Variants in ZC3H3 observed in about 807,000 individuals in gnomAD.
ZC3H3 encodes zinc finger CCCH domain-containing protein 3.
ZC3H3 carries 36 observed loss-of-function variants against 77.3 expected under a neutral mutation model. The ratio of observed to expected loss-of-function variants is 0.47; its 90% CI spans 0.36 to 0.61. ZC3H3 has a LOEUF of 0.61. Ranked by LOEUF, ZC3H3 falls within the 20% of genes least tolerant of loss-of-function variation. ZC3H3 has a pLI of 0.00. For missense variants in ZC3H3, 1,331 were observed against 1,312.2 expected (o/e 1.01, Z -0.22); for synonymous variants, 626 against 555.2 (o/e 1.13, Z -1.79).
rs568204320 is a variant in ZC3H3, at chr8:143,484,643, A to C, written c.1716-9058T>G. ...CGTCCGGCAGAGGTGCCAGGCGGCC[A>C]GGTGCAGCTGTCCTTGGCGGGCCCG... On this transcript the variant is annotated intron_variant, in intron 4 of 11. Coordinates refer to ENST00000262577, the MANE Select transcript of ZC3H3 (RefSeq NM_015117.3). 1.9e-4 allele frequency: 32 copies of C among 167,246 alleles called. No homozygotes were observed. In the East Asian group the frequency reaches 5.3e-3, roughly 28 times the overall value. The allele number at this position is 167,246 out of a possible 1,614,324, so 10.4% of individuals were successfully genotyped here. A position where few individuals can be genotyped will look rare whatever the true frequency, so the allele number is the denominator to read the frequency against.
chr8:143,468,525 G>GCGCT lies in ZC3H3; in HGVS notation c.1958_1961dup (p.Ser655AlafsTer92). ...GCGCCTGCCGGATGATGGCCAGGCTGCGCTGCACTGCCCGGCTGCAGACGG... is the reference window on the plus strand; with the variant it reads ...GCGCCTGCCGGATGATGGCCAGGCTGCGCTCGCTGCACTGCCCGGCTGCAGACGG... On this transcript the variant is annotated frameshift_variant, in exon 7 of 12. Transcript: ENST00000262577. LOFTEE classifies it high-confidence loss of function. 6.2e-7 allele frequency: 1 copy of GCGCT among 1,608,414 alleles called. No homozygotes were observed.
intron 4 of ZC3H3, among the ~76,000 whole-genome samples, chr8:143,482,362 C>T (rs1820930097): frequency 2.0e-5 from 3 of 152,220 alleles, no homozygotes; most frequent in Admixed American, 2.0e-4. Context: ...ACTGCTGCAC[C>T]CCTGGCCCTG....
chr8:143,452,235 C>G (rs1386098922), intron 9 of ZC3H3, among the ~76,000 whole-genome samples: 1 of 152,250 alleles, frequency 6.6e-6, no homozygotes, highest in Non-Finnish European at 1.5e-5. Context: ...TTCACCCCTT[C>G]TCCATCCCCC....
chr8:143,517,164 G>C (rs1822083873), intron 3 of ZC3H3, among the ~76,000 whole-genome samples: 1 of 152,220 alleles, frequency 6.6e-6, no homozygotes, highest in Non-Finnish European at 1.5e-5. Flanking sequence ...TTGTGCGCGA[G>C]CCATCGATCG....
At chr8:143,444,727 C>A (rs1332585727) in intron 9 of ZC3H3, among the ~76,000 whole-genome samples, 2 of 152,154 alleles carry the variant, frequency 1.3e-5, no homozygotes, top group African/African-American at 4.8e-5. Flanking sequence ...GCCTGAAATA[C>A]AGGGTTTCGT....
rs1468153864 is a variant in ZC3H3, at chr8:143,437,713, C to CA, written c.*342dup. 2 of 401,406 alleles carry CA rather than the reference C, an allele frequency of 5.0e-6. No individual in the cohort carries two copies. Among genetic ancestry groups the CA allele is most frequent in the Non-Finnish European group, 9.3e-6 (2 of 214,286 alleles). 24.9% of individuals were successfully genotyped at this position (401,406 alleles called of 1,614,324 possible). On this transcript the variant is annotated 3_prime_UTR_variant, in exon 12 of 12. Coordinates refer to ENST00000262577, the MANE Select transcript of ZC3H3 (RefSeq NM_015117.3). ...AAAACACCTGCCTGGGAGGCCTGGC[C>CA]AGTGGCCTCTTCACTGGGCCGAAAA...
intron 3 of ZC3H3, chr8:143,523,522 C>A (rs1448834247): frequency 1.0e-5 from 10 of 985,316 alleles, no homozygotes; most frequent in Admixed American, 1.2e-4. Flanking sequence ...CACCTCAGGA[C>A]AACTGCCACC....
intron 3 of ZC3H3, among the ~76,000 whole-genome samples, chr8:143,512,636 A>C (rs1821906370): frequency 6.6e-6 from 1 of 152,158 alleles, no homozygotes; most frequent in Non-Finnish European, 1.5e-5. Flanking sequence ...CATCCCCAGA[A>C]ACCTGAGTTC....
In ZC3H3 at chr8:143,537,937, TA is replaced by T. The variant is rs967848456; in HGVS notation, c.1364+65del. 15 of 1,436,032 alleles carry T rather than the reference TA, an allele frequency of 1.0e-5. No homozygotes were observed. In the South Asian group the frequency reaches 1.1e-4, roughly 10 times the overall value. The allele number at this position is 1,436,032 out of a possible 1,614,324, so 89.0% of individuals were successfully genotyped here. A position where few individuals can be genotyped will look rare whatever the true frequency, so the allele number is the denominator to read the frequency against. On this transcript the variant is annotated intron_variant, in intron 2 of 11. Transcript: ENST00000262577. ...AAAGCTCCGAGCTCAGCAGATCCAT[TA>T]GGGGTGCCAAACAAACCCTCCTCAC... is the stretch of plus-strand genomic sequence containing the variant.
chr8:143,525,723 T>C (rs1460138109), intron 3 of ZC3H3, among the ~76,000 whole-genome samples: 4 of 152,234 alleles, frequency 2.6e-5, no homozygotes, highest in African/African-American at 2.4e-5. Flanking sequence ...GAAGCACAGT[T>C]TGACCAGCTG....
chr8:143,484,846 G>C (rs879246253), intron 4 of ZC3H3: 2 of 454,932 alleles, frequency 4.4e-6, no homozygotes, highest in South Asian at 3.1e-5. Context: ...CCAGGCCCTG[G>C]GACAGCCCCT....
At chr8:143,524,306 A>G (rs1271762305) in intron 3 of ZC3H3, among the ~76,000 whole-genome samples, 1 of 152,226 alleles carries the variant, frequency 6.6e-6, no homozygotes, top group Non-Finnish European at 1.5e-5. Context: ...AGTCTATGAC[A>G]CCAGGCCCTA....
At chr8:143,540,823 G>T (rs1390880131) in intron 1 of ZC3H3, among the ~76,000 whole-genome samples, 1 of 152,150 alleles carries the variant, frequency 6.6e-6, no homozygotes, top group Non-Finnish European at 1.5e-5. Flanking sequence ...AGGCGTTCTG[G>T]CGCCTACCTG....
chr8:143,444,111 A>G (rs1819812689), intron 9 of ZC3H3, among the ~76,000 whole-genome samples: 1 of 151,970 alleles, frequency 6.6e-6, no homozygotes, highest in African/African-American at 2.4e-5. Flanking sequence ...AGTAGCTGGG[A>G]CTACAGGTGC....
rs1819625383 is a variant in ZC3H3, at chr8:143,437,816, C to T, written c.*240G>A. ...GGGACAGGCCTGGAGGCCAGCCCTG[C>T]CTGGCACCCTGGAAGGTGGTGGGGT... On this transcript the variant is annotated 3_prime_UTR_variant, in exon 12 of 12. Transcript: ENST00000262577. 1 of 574,524 alleles carries T rather than the reference C, an allele frequency of 1.7e-6. No individual in the cohort carries two copies. Among genetic ancestry groups the T allele is most frequent in the Admixed American group, 3.0e-5 (1 of 33,114 alleles). The allele number at this position is 574,524 out of a possible 1,614,324, so 35.6% of individuals were successfully genotyped here. A position where few individuals can be genotyped will look rare whatever the true frequency, so the allele number is the denominator to read the frequency against.
chr8:143,452,636 A>C (rs986311803), intron 9 of ZC3H3, among the ~76,000 whole-genome samples: 1 of 152,268 alleles, frequency 6.6e-6, no homozygotes, highest in Non-Finnish European at 1.5e-5. Context: ...GAGAAAAAGA[A>C]GATACAGTAG....
At chr8:143,531,521 C>T (rs1307407313) in intron 3 of ZC3H3, among the ~76,000 whole-genome samples, 3 of 152,252 alleles carry the variant, frequency 2.0e-5, no homozygotes, top group African/African-American at 7.2e-5. Context: ...GGCCACAGTG[C>T]TGCTGAACAA....
intron 3 of ZC3H3, among the ~76,000 whole-genome samples, chr8:143,511,708 C>T (rs1821875039): frequency 6.6e-6 from 1 of 152,222 alleles, no homozygotes; most frequent in Admixed American, 6.5e-5. Context: ...CATCCACCAG[C>T]CCCTGGGCCT....
chr8:143,477,460 C>T (rs528225776), intron 4 of ZC3H3, among the ~76,000 whole-genome samples: 36 of 152,282 alleles, frequency 2.4e-4, no homozygotes, highest in African/African-American at 8.4e-4. Context: ...GGGTAGGCAT[C>T]CTGCCAGCCA....
Sources: gnomAD v4.1 joint callset for allele counts (sites outside exome capture counted in the v4.1 genomes callset) on GRCh38, gnomAD v4.1.1 for gene constraint, MANE v1.5 for transcripts, NCBI Gene and HGNC (gene_info 2026-07-23, HGNC 2026-07-21) for gene names.